SLC30A9: variants seen among roughly 807,000 people sequenced by gnomAD.
SLC30A9 encodes the protein solute carrier family 30 member 9.
Under a neutral mutation model 87.5 loss-of-function variants are expected in SLC30A9, and 58 were observed. The observed-to-expected ratio is 0.66, with a 90% CI of 0.54 to 0.82. The LOEUF (loss-of-function observed/expected upper bound fraction) is 0.82. Ranked by LOEUF, SLC30A9 falls within the 40% of genes least tolerant of loss-of-function variation. The pLI, the probability that SLC30A9 is intolerant of heterozygous loss-of-function variation, is 0.00. For synonymous variants in SLC30A9, 234 were observed against 233.0 expected (o/e 1.00, Z -0.04); for missense variants, 557 against 679.1 (o/e 0.82, Z 2.00).
intron 8 of SLC30A9, among the ~76,000 whole-genome samples, chr4:42,048,046 A>G (rs1043411525): frequency 4.6e-5 from 7 of 151,520 alleles, no homozygotes; most frequent in South Asian, 2.1e-4. Context: ...ATGGACACAG[A>G]GAGGGGAATA....
In SLC30A9 at chr4:42,060,237, C is replaced by T. The variant is rs1415010421; in HGVS notation, c.887C>T (p.Pro296Leu). 9 of 1,611,250 alleles carry T rather than the reference C, an allele frequency of 5.6e-6. No homozygotes were observed. In the Admixed American group the frequency reaches 1.5e-4, roughly 27 times the overall value. The change falls in exon 10 of 18, where the codon CCT (proline) becomes CTT (leucine). Residue 296 changes from proline (P) to leucine (L), a missense_variant. Pro to Leu is a moderately conservative substitution (Grantham distance 98, BLOSUM62 -3). Coordinates refer to ENST00000264451, the MANE Select transcript of SLC30A9 (RefSeq NM_006345.4). ...AGTAAGTCTGTTCAAACACCAGATC[C>T]TTCTCATCCGTAAGGACATTGCCTT... Reference protein sequence around the residue: ...GISKSVQTPDPSHPYGFSNMR... With the variant: ...GISKSVQTPDLSHPYGFSNMR...
chr4:42,028,429 A>G (rs1716280953), intron 6 of SLC30A9, among the ~76,000 whole-genome samples: 1 of 152,184 alleles, frequency 6.6e-6, no homozygotes. Flanking sequence ...ACGTGAGAAT[A>G]TTTTCAAAGA....
In SLC30A9 at chr4:42,035,304, G is replaced by C; in HGVS notation, c.640G>C (p.Glu214Gln). The C allele has an allele frequency of 6.2e-7, 1 of 1,602,632 alleles. No homozygotes were observed. Among genetic ancestry groups the C allele is most frequent in the Non-Finnish European group, 8.5e-7 (1 of 1,172,014 alleles). The change falls in exon 7 of 18, where the codon GAA becomes CAA. Residue 214 changes from glutamate (E) to glutamine (Q), a missense_variant. Glu to Gln is a conservative substitution (Grantham distance 29). This residue lies in a region of SLC30A9 where 467 missense variants were observed against 529.8 expected (regional missense o/e 0.88). Coordinates refer to ENST00000264451, the MANE Select transcript of SLC30A9 (RefSeq NM_006345.4). ...RLFRNQKILR[E>Q]YRDFLGNTKP... ...ATTTAGAAACCAAAAAATATTAAGAGAATACAGAGATTTCTTGGGAAATAC... is the reference window on the plus strand; with the variant it reads ...ATTTAGAAACCAAAAAATATTAAGACAATACAGAGATTTCTTGGGAAATAC...
In SLC30A9 at chr4:42,011,074, C is replaced by T. The variant is rs547171538; in HGVS notation, c.275-7037C>T. Among the ~76,000 whole-genome samples, 25 of 152,138 alleles carry T rather than the reference C, an allele frequency of 1.6e-4. 1 individual carries two copies. Among genetic ancestry groups the T allele is most frequent in the African/African-American group, 5.3e-4 (22 of 41,486 alleles). ...AGGCCTAGGGAGGCAAGGAGAAGACCAGTGTACTAGTCCATTTTCATGCTG... is the reference window on the plus strand; with the variant it reads ...AGGCCTAGGGAGGCAAGGAGAAGACTAGTGTACTAGTCCATTTTCATGCTG... On this transcript the variant is annotated intron_variant, in intron 2 of 17. Coordinates refer to ENST00000264451, the MANE Select transcript of SLC30A9 (RefSeq NM_006345.4).
intron 1 of SLC30A9, among the ~76,000 whole-genome samples, chr4:41,997,065 A>AAATAAATAAAT (rs1560532863): frequency 4.3e-4 from 30 of 70,218 alleles, no homozygotes; most frequent in Admixed American, 2.0e-3. Flanking sequence ...AATAAATAAA[A>AAATAAATAAAT]ATGAAAAAGA....
At chr4:42,052,358 A>G (rs1489840928) in intron 9 of SLC30A9, among the ~76,000 whole-genome samples, 1 of 152,240 alleles carries the variant, frequency 6.6e-6, no homozygotes, top group Non-Finnish European at 1.5e-5. Context: ...GATATAATGG[A>G]GTTCCATTCA....
intron 9 of SLC30A9, among the ~76,000 whole-genome samples, chr4:42,055,582 T>C (rs1465918587): frequency 2.0e-5 from 3 of 152,184 alleles, no homozygotes; most frequent in Non-Finnish European, 4.4e-5. Flanking sequence ...CAGACAGGGT[T>C]TCACCATGTT....
At chr4:42,055,153 G>A (rs149524328) in intron 9 of SLC30A9, among the ~76,000 whole-genome samples, 31 of 152,102 alleles carry the variant, frequency 2.0e-4, no homozygotes, top group African/African-American at 5.5e-4. Context: ...GCAAAACCCC[G>A]TCTCTTAGAG....
At chr4:42,002,754 T>C (rs1006997436) in intron 2 of SLC30A9, among the ~76,000 whole-genome samples, 1 of 152,160 alleles carries the variant, frequency 6.6e-6, no homozygotes, top group African/African-American at 2.4e-5. Flanking sequence ...CATGTGTCTT[T>C]TTGGTAGAAT....
intron 8 of SLC30A9, among the ~76,000 whole-genome samples, chr4:42,046,139 G>A (rs1029999628): frequency 2.6e-5 from 4 of 152,154 alleles, no homozygotes; most frequent in African/African-American, 9.7e-5. Flanking sequence ...TACTGAATGG[G>A]CAGTAGCTGG....
intron 16 of SLC30A9, 92 bp from the exon 17 acceptor site, chr4:42,078,120 G>GT: frequency 1.7e-6 from 1 of 601,770 alleles, no homozygotes. Context: ...ACTTAATGGC[G>GT]TTTGTTATAG....
At position 42,086,186 on chromosome 4, in the gene SLC30A9, A is replaced by G; in HGVS notation, c.*60A>G. The G allele has an allele frequency of 9.1e-7, 1 of 1,101,372 alleles. No homozygotes were observed. Among genetic ancestry groups the G allele is most frequent in the South Asian group, 1.7e-5 (1 of 58,276 alleles). 68.2% of individuals were successfully genotyped at this position (1,101,372 alleles called of 1,614,324 possible). On this transcript the variant is annotated 3_prime_UTR_variant, in exon 18 of 18. Coordinates refer to ENST00000264451, the MANE Select transcript of SLC30A9 (RefSeq NM_006345.4). ...GGAAACAAGTTTGTCCGTCCACTCT[A>G]CAAAGTTTCCTCCTCTCCTACACTG...
In SLC30A9 at chr4:42,039,260, G is replaced by A. The variant is rs1560547301; in HGVS notation, c.737+207G>A. Among the ~76,000 whole-genome samples, 5 of 152,018 alleles carry A rather than the reference G, an allele frequency of 3.3e-5. No homozygotes were observed. In the South Asian group the frequency reaches 1.0e-3, roughly 32 times the overall value. On this transcript the variant is annotated intron_variant, in intron 8 of 17. Coordinates refer to ENST00000264451, the MANE Select transcript of SLC30A9 (RefSeq NM_006345.4). Reference sequence around the variant, plus strand: ...ATATAGATAACCATGCTCATTCTCTGTATATTTTTGATGTAGTTAGATCTA... The same window carrying A: ...ATATAGATAACCATGCTCATTCTCTATATATTTTTGATGTAGTTAGATCTA...
intron 6 of SLC30A9, among the ~76,000 whole-genome samples, chr4:42,033,908 G>A (rs1418769696): frequency 6.6e-6 from 1 of 152,110 alleles, no homozygotes; most frequent in East Asian, 1.9e-4. Flanking sequence ...CTGTCATGAG[G>A]ACTATGCTAT....
rs548119108 is a variant in SLC30A9 at position 42,075,136 on chromosome 4, C to T, written c.1419-521C>T. Among the ~76,000 whole-genome samples, 7 of 119,418 alleles carry T rather than the reference C, an allele frequency of 5.9e-5. No individual in the cohort carries two copies. The East Asian group carries it at 2.0e-3, about 34-fold the overall frequency. 78.3% of individuals were successfully genotyped at this position (119,418 alleles called of 152,430 possible). A position where few individuals can be genotyped will look rare whatever the true frequency, so the allele number is the denominator to read the frequency against. The stretch of plus-strand genomic sequence containing the variant: ...TTGCCCAGGCTGGAGTGCAGTGGCA[C>T]AATCTGGGTTCACTGCAACCTCTGC... On this transcript the variant is annotated intron_variant, in intron 15 of 17. Transcript: ENST00000264451.
rs139540247 is a variant in SLC30A9 at position 42,068,431 on chromosome 4, C to T, written c.1252+1239C>T. Among the ~76,000 whole-genome samples the T allele has an allele frequency of 2.6e-3, 392 of 152,048 alleles. 1 individual carries two copies. The highest frequency in any genetic ancestry group is 7.3e-3 in the South Asian group (35 of 4,802). The stretch of plus-strand genomic sequence containing the variant: ...GCTAGTTTTGTATTTTCATTAGAGA[C>T]GGGGTTTCTCCATATTGGTCAGGCT... On this transcript the variant is annotated intron_variant, in intron 14 of 17. Transcript: ENST00000264451.
chr4:42,032,952 A>G (rs1180660918), intron 6 of SLC30A9, among the ~76,000 whole-genome samples: 1 of 152,212 alleles, frequency 6.6e-6, no homozygotes, highest in East Asian at 1.9e-4. Flanking sequence ...CTACACACAT[A>G]GAGAATAAAG....
chr4:42,022,875 C>A lies in SLC30A9; in HGVS notation c.472C>A (p.Pro158Thr), dbSNP rs747392390. The change falls in exon 5 of 18, where the codon CCC (proline) becomes ACC (threonine). Residue 158 changes from proline (P) to threonine (T), a missense_variant. This residue lies in a region of SLC30A9 where 467 missense variants were observed against 529.8 expected (regional missense o/e 0.88). Coordinates refer to ENST00000264451, the MANE Select transcript of SLC30A9 (RefSeq NM_006345.4). ...ACTTCGAAAAATCAGACGACGAAGT[C>A]CCCATGAAGATACTGAGTCTTTTAC... ...EQLRKIRRRSPHEDTESFTVY... is the reference protein window; with the variant it reads ...EQLRKIRRRSTHEDTESFTVY... 6.2e-7 allele frequency: 1 copy of A among 1,602,122 alleles called. No individual in the cohort carries two copies. Among genetic ancestry groups the A allele is most frequent in the Admixed American group, 1.7e-5 (1 of 59,128 alleles).
intron 17 of SLC30A9, among the ~76,000 whole-genome samples, chr4:42,083,208 A>G (rs1219844733): frequency 6.6e-6 from 1 of 152,196 alleles, no homozygotes; most frequent in Non-Finnish European, 1.5e-5. Context: ...CTCTTAAAGC[A>G]TTGTTTTTAA....
Sources: gnomAD v4.1 joint callset for allele counts (sites outside exome capture counted in the v4.1 genomes callset) on GRCh38, gnomAD v4.1.1 for gene constraint, gnomAD v4.1.1 regional missense constraint, MANE v1.5 for transcripts, NCBI Gene and HGNC (gene_info 2026-07-23, HGNC 2026-07-21) for gene names.